The following PKHD1 variants were observed in gnomAD, a reference collection of about 807,000 sequenced individuals.
The protein encoded by PKHD1 is PKHD1 ciliary IPT domain containing fibrocystin/polyductin.
Under a neutral mutation model 412.0 loss-of-function variants are expected in PKHD1, and 291 were observed. The observed-to-expected ratio is 0.71, with a 90% CI of 0.64 to 0.78. PKHD1 has a LOEUF of 0.78. PKHD1 is among the 30% of genes least tolerant of loss of function. The probability of loss-of-function intolerance (pLI) is 0.00; values close to 1 mark genes in which losing one functional copy is unlikely to be tolerated. For synonymous variants in PKHD1, 1,777 were observed against 1,821.5 expected (o/e 0.98, Z 0.62); for missense variants, 4,825 against 4,950.7 (o/e 0.97, Z 0.76).
At chr6:51,703,995 G>T (rs971377224) in intron 60 of PKHD1, among the ~76,000 whole-genome samples, 5 of 151,980 alleles carry the variant, frequency 3.3e-5, no homozygotes, top group African/African-American at 1.2e-4. Context: ...CCAAAAGTCT[G>T]TTGCTACCTC....
At chr6:51,765,020 C>G (rs1278437069) in intron 55 of PKHD1, among the ~76,000 whole-genome samples, 2 of 152,104 alleles carry the variant, frequency 1.3e-5, no homozygotes, top group African/African-American at 4.8e-5. Flanking sequence ...ATCTGATTTT[C>G]TTCTTGGCAT....
rs970446753 is a variant in PKHD1, at chr6:51,986,543, G to A, written c.5751+23766C>T. On this transcript the variant is annotated intron_variant, in intron 35 of 66. Transcript: ENST00000371117. The stretch of plus-strand genomic sequence containing the variant: ...TTTCAATAGCACCACCTGGGATAGA[G>A]TTATTATTTTTTTAAAAAGTGAAAC... Among the ~76,000 whole-genome samples, 6 of 152,204 alleles carry A rather than the reference G, an allele frequency of 3.9e-5. No homozygotes were observed. The South Asian group carries it at 1.0e-3, about 26-fold the overall frequency.
At chr6:51,664,976 A>T (rs1423813579) in intron 60 of PKHD1, among the ~76,000 whole-genome samples, 1 of 152,076 alleles carries the variant, frequency 6.6e-6, no homozygotes, top group Non-Finnish European at 1.5e-5. Context: ...AAATATTCTC[A>T]TCATTCTTTC....
chr6:51,693,639 G>A (rs373545294), intron 60 of PKHD1, among the ~76,000 whole-genome samples: 3 of 152,318 alleles, frequency 2.0e-5, no homozygotes, highest in African/African-American at 7.2e-5. Context: ...TGGTTCAGCG[G>A]ATGAGATTGC....
intron 36 of PKHD1, among the ~76,000 whole-genome samples, chr6:51,936,688 G>A (rs575686015): frequency 1.2e-4 from 19 of 152,166 alleles, no homozygotes; most frequent in Admixed American, 3.9e-4. Context: ...AGGCCATGAC[G>A]GGGAGTGTCA....
At chr6:51,874,810 G>A (rs1776588588) in intron 46 of PKHD1, among the ~76,000 whole-genome samples, 1 of 98,620 alleles carries the variant, frequency 1.0e-5, no homozygotes, top group African/African-American at 4.0e-5. Flanking sequence ...CAGCGTGAGC[G>A]ACGCAGAAGA....
chr6:51,960,846 G>T (rs995743998), intron 35 of PKHD1, among the ~76,000 whole-genome samples: 2 of 152,110 alleles, frequency 1.3e-5, no homozygotes, highest in African/African-American at 4.8e-5. Flanking sequence ...TTAATTTGTG[G>T]TCACTCTGAT....
At chr6:51,625,728 A>G (rs1767141504) in intron 66 of PKHD1, among the ~76,000 whole-genome samples, 1 of 152,184 alleles carries the variant, frequency 6.6e-6, no homozygotes, top group Non-Finnish European at 1.5e-5. Context: ...ATATGAGATT[A>G]AGAGAGAGAT....
At chr6:51,729,345 C>G (rs890071995) in intron 60 of PKHD1, among the ~76,000 whole-genome samples, 1 of 152,104 alleles carries the variant, frequency 6.6e-6, no homozygotes, top group Non-Finnish European at 1.5e-5. Flanking sequence ...ACATAATAAC[C>G]AACTCATGTT....
chr6:52,072,325 C>T, intron 7 of PKHD1, 136 bp from the exon 8 acceptor site: 1 of 699,506 alleles, frequency 1.4e-6, no homozygotes, highest in Non-Finnish European at 2.6e-6. Context: ...TTGCAGGTGG[C>T]TGAAGGCGGA....
intron 26 of PKHD1, 37 bp from the exon 27 acceptor site, chr6:52,043,171 A>T (rs747012152): frequency 1.3e-6 from 2 of 1,513,666 alleles, no homozygotes; most frequent in Admixed American, 3.5e-5. Context: ...CAAATAAAAT[A>T]ATCTCTCAGT....
At chr6:51,680,173 T>C (rs1776450090) in intron 60 of PKHD1, among the ~76,000 whole-genome samples, 1 of 151,938 alleles carries the variant, frequency 6.6e-6, no homozygotes, top group Non-Finnish European at 1.5e-5. Flanking sequence ...ATTTGGAAAA[T>C]AGTCTCTCTA....
chr6:51,673,641 G>T (rs898123307), intron 60 of PKHD1, among the ~76,000 whole-genome samples: 3 of 152,202 alleles, frequency 2.0e-5, no homozygotes, highest in African/African-American at 7.2e-5. Flanking sequence ...GGAGTGAAGA[G>T]CCACGCTGAT....
intron 60 of PKHD1, among the ~76,000 whole-genome samples, chr6:51,720,031 G>A (rs1172843512): frequency 6.6e-6 from 1 of 152,198 alleles, no homozygotes; most frequent in African/African-American, 2.4e-5. Context: ...GCTTTCAGAT[G>A]TGTGTGCATG....
rs1363630467 is a variant in PKHD1, at chr6:51,791,264, C to T, written c.8412G>A (p.Met2804Ile). ...DRSNVLSVAC[M>I]VIAGGELKVG... ...CTTTCAGCTCCCCGCCTGCAATGACCATGCATGCCACACTCAGAACATTGC... is the reference window on the plus strand; with the variant it reads ...CTTTCAGCTCCCCGCCTGCAATGACTATGCATGCCACACTCAGAACATTGC... The change falls in exon 53 of 67, where the codon ATG becomes ATA. Residue 2804 changes from methionine to isoleucine, a missense_variant. By Grantham distance (10) the Met-to-Ile change is conservative (BLOSUM62 1). Transcript: ENST00000371117. 3 of 1,613,934 alleles carry T rather than the reference C, an allele frequency of 1.9e-6. No homozygotes were observed. The highest frequency in any genetic ancestry group is 1.7e-5 in the Admixed American group (1 of 60,012).
chr6:51,846,963 C>CT (rs914671654), intron 50 of PKHD1, among the ~76,000 whole-genome samples: 4 of 151,820 alleles, frequency 2.6e-5, no homozygotes, highest in Non-Finnish European at 4.4e-5. Context: ...TTTTCTCTTT[C>CT]TTTTTTTTAT....
intron 29 of PKHD1, 72 bp downstream of exon 29, chr6:52,032,958 G>A: frequency 7.6e-7 from 1 of 1,310,000 alleles, no homozygotes; most frequent in Non-Finnish European, 1.1e-6. Flanking sequence ...AAATTTCAGA[G>A]GACATTGATT....
intron 35 of PKHD1, among the ~76,000 whole-genome samples, chr6:51,997,357 C>T (rs905256772): frequency 1.3e-5 from 2 of 152,130 alleles, no homozygotes; most frequent in Admixed American, 6.5e-5. Flanking sequence ...TCTTTATCAT[C>T]GGTTCTGTGA....
chr6:52,081,136 T>C (rs980259012), intron 4 of PKHD1, among the ~76,000 whole-genome samples: 2 of 152,048 alleles, frequency 1.3e-5, no homozygotes, highest in Non-Finnish European at 2.9e-5. Context: ...ATATTTCTTT[T>C]CTTTAAAAAG....
Sources: gnomAD v4.1 joint callset for allele counts (sites outside exome capture counted in the v4.1 genomes callset) on GRCh38, gnomAD v4.1.1 for gene constraint, MANE v1.5 for transcripts, NCBI Gene and HGNC (gene_info 2026-07-23, HGNC 2026-07-21) for gene names.